The following TMC2 variants were observed in gnomAD, a reference collection of about 807,000 sequenced individuals.
TMC2 encodes transmembrane channel like 2, also known as transmembrane channel-like protein 2.
In TMC2, 102 loss-of-function variants were observed where a neutral mutation model predicts 105.9. The observed-to-expected ratio is 0.96, with a 90% CI of 0.82 to 1.14. The LOEUF is 1.14. Ranked by LOEUF, TMC2 falls within the 50% of genes most tolerant of loss-of-function variation. The pLI, the probability that TMC2 is intolerant of heterozygous loss-of-function variation, is 0.00. For synonymous variants in TMC2, 402 were observed against 422.8 expected (o/e 0.95, Z 0.60); for missense variants, 1,093 against 1,134.3 (o/e 0.96, Z 0.52).
At chr20:2,542,345 G>T (rs2085895510) in intron 2 of TMC2, among the ~76,000 whole-genome samples, 1 of 152,164 alleles carries the variant, frequency 6.6e-6, no homozygotes, top group Non-Finnish European at 1.5e-5. Context: ...AGGTGACTAG[G>T]AAACGTGTGG....
At chr20:2,580,086 T>A in intron 7 of TMC2, 30 bp downstream of exon 7, 1 of 1,445,182 alleles carries the variant, frequency 6.9e-7, no homozygotes, top group Non-Finnish European at 9.7e-7. Flanking sequence ...AATCTTTGGA[T>A]AGAGTTAAGG....
chr20:2,599,109 C>T (rs1380643474), intron 10 of TMC2, among the ~76,000 whole-genome samples: 1 of 151,932 alleles, frequency 6.6e-6, no homozygotes, highest in African/African-American at 2.4e-5. Flanking sequence ...TTTGGCCAGG[C>T]TGATCTTGAA....
At chr20:2,564,511 C>T (rs894775465) in intron 4 of TMC2, among the ~76,000 whole-genome samples, 1 of 152,188 alleles carries the variant, frequency 6.6e-6, no homozygotes, top group African/African-American at 2.4e-5. Flanking sequence ...CCTTCTCCTG[C>T]CAGCAGGGCA....
intron 11 of TMC2, among the ~76,000 whole-genome samples, chr20:2,606,925 C>A (rs112347381): frequency 0.057 from 6,755 of 118,656 alleles, 250 homozygotes; most frequent in Non-Finnish European, 0.082. Context: ...TATTCTGTCA[C>A]CCTTTTTCTG....
intron 19 of TMC2, among the ~76,000 whole-genome samples, chr20:2,639,961 G>T (rs147013582): frequency 1.3e-5 from 2 of 152,156 alleles, no homozygotes; most frequent in Admixed American, 1.3e-4. Flanking sequence ...AGATGCATAA[G>T]GAATGACTGA....
rs2086214342 is a variant in TMC2 at position 2,584,128 on chromosome 20, C to G, written c.834+4072C>G. Among the ~76,000 whole-genome samples the G allele has an allele frequency of 2.0e-5, 3 of 152,112 alleles. No homozygotes were observed. In the South Asian group the frequency reaches 6.2e-4, roughly 31 times the overall value. ...TGATACTTCCCCTTAAAAATAACTA[C>G]TAAATTATTTCAGACATATGAAAAG... On this transcript the variant is annotated intron_variant, in intron 7 of 19. Coordinates refer to ENST00000358864, the MANE Select transcript of TMC2 (RefSeq NM_080751.3).
chr20:2,624,165 C>G, intron 16 of TMC2, 106 bp from the exon 17 acceptor site: 2 of 1,220,094 alleles, frequency 1.6e-6, no homozygotes, highest in South Asian at 3.2e-5. Context: ...TCCAGGAAAG[C>G]AGTGGCAGGC....
chr20:2,639,305 G>C (rs901257345), intron 19 of TMC2, among the ~76,000 whole-genome samples: 2 of 152,166 alleles, frequency 1.3e-5, no homozygotes, highest in African/African-American at 4.8e-5. Flanking sequence ...CCCACTCACT[G>C]ACTCACCCAG....
intron 8 of TMC2, among the ~76,000 whole-genome samples, chr20:2,594,232 T>TTTTTTTTTTTTTC (rs1484050120): frequency 1.4e-5 from 2 of 145,726 alleles, no homozygotes; most frequent in South Asian, 4.5e-4. Context: ...TTCCTTTTTT[T>TTTTTTTTTTTTTC]TTTTTTTTTT....
chr20:2,600,986 G>GAAAAAAAAAAAA (rs55710696), intron 10 of TMC2, among the ~76,000 whole-genome samples: 1 of 90,560 alleles, frequency 1.1e-5, no homozygotes. Flanking sequence ...GACTGTCTCA[G>GAAAAAAAAAAAA]AAAAAAAAAA....
chr20:2,613,523 T>C, intron 14 of TMC2: 2 of 661,196 alleles, frequency 3.0e-6, no homozygotes, highest in Admixed American at 4.8e-5. Flanking sequence ...TTTTTCCCAG[T>C]GTAATGAACA....
intron 17 of TMC2, among the ~76,000 whole-genome samples, chr20:2,635,567 G>T (rs742846): frequency 0.76 from 115,029 of 151,852 alleles, 43,709 homozygotes; most frequent in East Asian, 0.87. Context: ...TGTGCACATG[G>T]CACAGAGCTT....
chr20:2,564,171 G>C (rs561150611), intron 4 of TMC2, among the ~76,000 whole-genome samples: 95 of 42,106 alleles, frequency 2.3e-3, no homozygotes, highest in Non-Finnish European at 1.4e-3. Context: ...TTTTTTTTGA[G>C]ATGGAGTATC....
Position 2,558,454 on chromosome 20 carries a change from A to T in TMC2, c.83-2A>T. 1 of 1,554,756 alleles carries T rather than the reference A, an allele frequency of 6.4e-7. No homozygotes were observed. Among genetic ancestry groups the T allele is most frequent in the Admixed American group, 1.9e-5 (1 of 51,502 alleles). On this transcript the variant is annotated splice_acceptor_variant, in intron 2 of 19. Transcript: ENST00000358864. LOFTEE classifies it high-confidence loss of function. This position sits in a 1 kb window ranked among gnomAD's most constrained non-coding sequence, Gnocchi z 4.6. ...GAACTGTCCATTTTCCCGCCCCGGC[A>T]GGTGACAGGCTGGGAAGGAGATCCT...
chr20:2,630,973 G>A (rs543819290), intron 17 of TMC2, among the ~76,000 whole-genome samples: 2 of 152,250 alleles, frequency 1.3e-5, no homozygotes, highest in South Asian at 4.1e-4. Flanking sequence ...ATTTATGTCT[G>A]CTGTTTTCTA....
chr20:2,612,897 T>C (rs939062912), intron 13 of TMC2, among the ~76,000 whole-genome samples: 5 of 152,196 alleles, frequency 3.3e-5, no homozygotes, highest in African/African-American at 1.2e-4. Context: ...GCAATTTGCA[T>C]TTGCATACAT....
At chr20:2,599,408 A>T (rs1046185159) in intron 10 of TMC2, among the ~76,000 whole-genome samples, 5 of 152,032 alleles carry the variant, frequency 3.3e-5, no homozygotes, top group African/African-American at 1.2e-4. Context: ...TAGCTCATAT[A>T]AAATAACCAT....
chr20:2,637,862 G>A (rs8119271), intron 19 of TMC2, among the ~76,000 whole-genome samples: 3,565 of 152,258 alleles, frequency 0.023, 136 homozygotes, highest in African/African-American at 0.078. Context: ...CAGTAGTGCC[G>A]TCATGCACCC....
intron 17 of TMC2, among the ~76,000 whole-genome samples, chr20:2,627,539 T>C (rs2086573193): frequency 6.6e-6 from 1 of 152,212 alleles, no homozygotes; most frequent in African/African-American, 2.4e-5. Context: ...TTGTAAGATT[T>C]CCACTTTCTG....
Sources: allele counts gnomAD v4.1 joint callset (sites outside exome capture counted in the v4.1 genomes callset), GRCh38; gene constraint gnomAD v4.1.1; non-coding constraint Gnocchi (gnomAD v3.1); transcripts MANE v1.5; gene names NCBI Gene and HGNC (gene_info 2026-07-23, HGNC 2026-07-21).